Variants in ABCC11 observed in about 807,000 individuals in gnomAD.
ABCC11 encodes ATP-binding cassette sub-family C member 11.
ABCC11 carries 135 observed loss-of-function variants against 149.3 expected under a neutral mutation model. The ratio of observed to expected loss-of-function variants is 0.90; its 90% confidence interval spans 0.79 to 1.04. The LOEUF (loss-of-function observed/expected upper bound fraction) is 1.04. ABCC11 is among the 50% of genes least tolerant of loss of function. ABCC11 has a pLI of 0.00. For synonymous variants in ABCC11, 665 were observed against 671.4 expected (o/e 0.99, Z 0.15); for missense variants, 1,680 against 1,722.1 (o/e 0.98, Z 0.43).
In ABCC11 at chr16:48,198,269, C is replaced by G; in HGVS notation, c.2089G>C (p.Glu697Gln). ...AACAAAATGATCTGGCCACAAAATT[C>G]TAAGTACTGGACAGTCAAAAGAAAG... ...VLVTHQLQYL[E>Q]FCGQIILLEN... is the part of the protein sequence containing the mutation. Residue 697 changes from glutamate (E) to glutamine (Q), a missense_variant, in exon 16 of 30, where the codon GAA becomes CAA. Coordinates refer to ENST00000356608, the MANE Select transcript of ABCC11 (RefSeq NM_001370497.1). The G allele has an allele frequency of 6.2e-7, 1 of 1,614,178 alleles. No individual in the cohort carries two copies. The highest frequency in any genetic ancestry group is 1.6e-4 in the Middle Eastern group (1 of 6,062).
chr16:48,182,782 CAAAA>C (rs558410509), intron 23 of ABCC11, among the ~76,000 whole-genome samples: 1 of 73,432 alleles, frequency 1.4e-5, no homozygotes. Flanking sequence ...GACTCCATCT[CAAAA>C]AAAAAAAAAA....
chr16:48,208,271 C>T (rs1317993763), intron 12 of ABCC11, among the ~76,000 whole-genome samples, 154 bp downstream of exon 12: 1 of 152,226 alleles, frequency 6.6e-6, no homozygotes, highest in Non-Finnish European at 1.5e-5. Flanking sequence ...ACCTCCCGCA[C>T]AGTGCAAGCA....
Position 48,167,161 on chromosome 16 carries a change from C to A in ABCC11, c.*113G>T. 4 of 482,082 alleles carry A rather than the reference C, an allele frequency of 8.3e-6. No individual in the cohort carries two copies. The highest frequency in any genetic ancestry group is 1.7e-5 in the Non-Finnish European group (4 of 242,188). 29.9% of individuals were successfully genotyped at this position (482,082 alleles called of 1,614,324 possible). A position where few individuals can be genotyped will look rare whatever the true frequency, so the allele number is the denominator to read the frequency against. ...ACCCCCCCTACATTTACCCCTGCTTCCAGGAGAAGTTCTCATCTCCAAACA... is the reference window on the plus strand; with the variant it reads ...ACCCCCCCTACATTTACCCCTGCTTACAGGAGAAGTTCTCATCTCCAAACA... On this transcript the variant is annotated 3_prime_UTR_variant, in exon 30 of 30. Coordinates refer to ENST00000356608, the MANE Select transcript of ABCC11 (RefSeq NM_001370497.1).
chr16:48,167,037 C>T lies in ABCC11; in HGVS notation c.*237G>A. The T allele has an allele frequency of 1.9e-6, 1 of 528,148 alleles. No homozygotes were observed. Among genetic ancestry groups the T allele is most frequent in the East Asian group, 3.1e-5 (1 of 32,022 alleles). 32.7% of individuals were successfully genotyped at this position (528,148 alleles called of 1,614,324 possible). Reference sequence around the variant, plus strand: ...TCAGCATGTAAGTTAAAAGGAGAACCACATGATCACTGAATCCCATGTCTT... The same window carrying T: ...TCAGCATGTAAGTTAAAAGGAGAACTACATGATCACTGAATCCCATGTCTT... On this transcript the variant is annotated 3_prime_UTR_variant, in exon 30 of 30. Coordinates refer to ENST00000356608, the MANE Select transcript of ABCC11 (RefSeq NM_001370497.1).
At chr16:48,191,941 G>T in intron 20 of ABCC11, among the ~76,000 whole-genome samples, 1 of 152,014 alleles carries the variant, frequency 6.6e-6, no homozygotes, top group East Asian at 1.9e-4. Flanking sequence ...TAACTAACCT[G>T]CATGTGCACA....
chr16:48,229,914 G>A (rs1340639362), intron 3 of ABCC11, among the ~76,000 whole-genome samples: 1 of 152,006 alleles, frequency 6.6e-6, no homozygotes, highest in Non-Finnish European at 1.5e-5. Flanking sequence ...TGTGTTCCTT[G>A]CCCCTCCAGG....
At chr16:48,174,000 T>C (rs1309243810) in intron 26 of ABCC11, among the ~76,000 whole-genome samples, 1 of 152,180 alleles carries the variant, frequency 6.6e-6, no homozygotes, top group African/African-American at 2.4e-5. Flanking sequence ...TTGTCTCCTA[T>C]TTCTGCCTGG....
intron 2 of ABCC11, 114 bp downstream of exon 2, chr16:48,231,709 A>G (rs891797002): frequency 6.9e-7 from 1 of 1,452,380 alleles, no homozygotes; most frequent in African/African-American, 1.4e-5. Context: ...AGAAAAGAAA[A>G]AAAATTCAAG....
chr16:48,178,882 C>G (rs1231579580), intron 23 of ABCC11, among the ~76,000 whole-genome samples, 196 bp from the exon 24 acceptor site: 1 of 152,142 alleles, frequency 6.6e-6, no homozygotes, highest in Non-Finnish European at 1.5e-5. Flanking sequence ...CTGCGATGGG[C>G]AATTCTGGGG....
At chr16:48,210,627 A>T in intron 11 of ABCC11, 1 of 319,408 alleles carries the variant, frequency 3.1e-6, no homozygotes, top group Non-Finnish European at 5.8e-6. Flanking sequence ...GGCACATACG[A>T]GGAATGTAAT....
At chr16:48,195,985 T>A (rs956274081) in intron 18 of ABCC11, among the ~76,000 whole-genome samples, 1 of 151,906 alleles carries the variant, frequency 6.6e-6, no homozygotes, top group Non-Finnish European at 1.5e-5. Context: ...TTTTTTTTAA[T>A]TTTTTTTAAT....
At chr16:48,198,637 AT>A (rs201789068) in intron 15 of ABCC11, among the ~76,000 whole-genome samples, 10,042 of 142,804 alleles carry the variant, frequency 0.07, 708 homozygotes, top group African/African-American at 0.19. Flanking sequence ...ACACTGAAGT[AT>A]TTTTTTTTTT....
Position 48,205,569 on chromosome 16 carries a change from A to G in ABCC11, c.1681-32T>C, listed in dbSNP as rs1264478567. ...CAGAATGAGTCCAGCCTCAGGACCA[A>G]TTGGGCCAAGGGACAGAGCCTGCCT... On this transcript the variant is annotated intron_variant, in intron 12 of 29. Coordinates refer to ENST00000356608, the MANE Select transcript of ABCC11 (RefSeq NM_001370497.1). The G allele has an allele frequency of 6.2e-6, 10 of 1,610,726 alleles. No homozygotes were observed. In the South Asian group the frequency reaches 1.1e-4, roughly 18 times the overall value.
chr16:48,186,057 G>A (rs964545381), intron 22 of ABCC11, among the ~76,000 whole-genome samples: 1 of 152,118 alleles, frequency 6.6e-6, no homozygotes, highest in East Asian at 1.9e-4. Context: ...CTTGGGGCAG[G>A]GTTCTCAGTG....
intron 11 of ABCC11, among the ~76,000 whole-genome samples, chr16:48,209,200 G>C (rs182086556): frequency 3.3e-5 from 5 of 152,212 alleles, no homozygotes; most frequent in African/African-American, 4.8e-5. Flanking sequence ...GAGTTCAGAG[G>C]TACAGGTACA....
At chr16:48,228,562 A>T (rs1221771834) in intron 3 of ABCC11, among the ~76,000 whole-genome samples, 1 of 151,688 alleles carries the variant, frequency 6.6e-6, no homozygotes, top group Non-Finnish European at 1.5e-5. Context: ...CGCCACTACC[A>T]CTCCAGCCTG....
Position 48,216,139 on chromosome 16 carries a change from C to A in ABCC11, c.926G>T (p.Cys309Phe), listed in dbSNP as rs763850877. ...CGCCAGTGGGAAAACCAGGAGATAG[C>A]ATAAGATGGCAATAAATGCAGTGTA... ...IGYTAFIAILCYLLVFPLAVF... is the reference protein window; with the variant it reads ...IGYTAFIAILFYLLVFPLAVF... The change falls in exon 7 of 30, where the codon TGC (cysteine) becomes TTC (phenylalanine). Residue 309 changes from cysteine to phenylalanine, a missense_variant. Coordinates refer to ENST00000356608, the MANE Select transcript of ABCC11 (RefSeq NM_001370497.1). The A allele has an allele frequency of 1.8e-5, 29 of 1,614,056 alleles. No homozygotes were observed. Among genetic ancestry groups the A allele is most frequent in the Non-Finnish European group, 2.5e-5 (29 of 1,180,006 alleles).
At chr16:48,184,227 A>G (rs1966617465) in intron 23 of ABCC11, among the ~76,000 whole-genome samples, 1 of 152,190 alleles carries the variant, frequency 6.6e-6, no homozygotes, top group Non-Finnish European at 1.5e-5. Flanking sequence ...CCTATTAAAT[A>G]CCTTTGAATA....
intron 6 of ABCC11, among the ~76,000 whole-genome samples, chr16:48,220,225 C>T (rs9935854): frequency 0.14 from 21,882 of 152,146 alleles, 2,080 homozygotes; most frequent in African/African-American, 0.28. Flanking sequence ...GTTGAAGACC[C>T]GGACTCTGCA....
Sources: allele counts gnomAD v4.1 joint callset (sites outside exome capture counted in the v4.1 genomes callset), GRCh38; gene constraint gnomAD v4.1.1; transcripts MANE v1.5; gene names NCBI Gene and HGNC (gene_info 2026-07-23, HGNC 2026-07-21).